Variants in PCDH15 observed in about 807,000 individuals in gnomAD.
PCDH15 encodes protocadherin-15.
PCDH15 carries 129 observed loss-of-function variants against 178.5 expected under a neutral mutation model. The ratio of observed to expected loss-of-function variants is 0.72; its 90% CI spans 0.63 to 0.84. The LOEUF (loss-of-function observed/expected upper bound fraction) is 0.84. Ranked by LOEUF, PCDH15 falls within the 40% of genes least tolerant of loss-of-function variation. PCDH15 has a pLI of 0.00. For synonymous variants in PCDH15, 800 were observed against 732.0 expected, an observed-to-expected ratio of 1.09 and a Z score of -1.50; for missense variants, 2,230 against 2,099.9, an observed-to-expected ratio of 1.06 and a Z score of -1.21.
chr10:55,047,154 A>G (rs1388547428), intron 2 of PCDH15, among the ~76,000 whole-genome samples: 1 of 151,958 alleles, frequency 6.6e-6, no homozygotes, highest in Non-Finnish European at 1.5e-5. Context: ...GTTCTATTGT[A>G]TTTAAACTTG....
chr10:55,599,326 C>G (rs1399065285), intron 2 of PCDH15: 3 of 152,144 alleles, frequency 2.0e-5, no homozygotes, highest in Non-Finnish European at 4.4e-5. Context: ...CAACTTTAAA[C>G]TTAACCTACA....
At chr10:54,585,888 A>T (rs2091428367) in intron 2 of PCDH15, among the ~76,000 whole-genome samples, 1 of 152,196 alleles carries the variant, frequency 6.6e-6, no homozygotes, top group Admixed American at 6.6e-5. Flanking sequence ...GATTTGAAAA[A>T]TAGCCACTTC....
intron 25 of PCDH15, among the ~76,000 whole-genome samples, chr10:53,935,787 G>A (rs1020304304): frequency 1.3e-5 from 2 of 151,854 alleles, no homozygotes; most frequent in Non-Finnish European, 2.9e-5. Flanking sequence ...TATAGTTGGT[G>A]GACCTCAGGG....
intron 3 of PCDH15, among the ~76,000 whole-genome samples, chr10:54,453,054 G>C (rs1161629707): frequency 6.6e-6 from 1 of 152,060 alleles, no homozygotes; most frequent in Non-Finnish European, 1.5e-5. Flanking sequence ...TACACTGTTG[G>C]TGCGACTGTA....
intron 13 of PCDH15, among the ~76,000 whole-genome samples, chr10:54,160,677 A>G (rs4295959): frequency 0.22 from 33,456 of 152,192 alleles, 5,057 homozygotes; most frequent in East Asian, 0.87. Flanking sequence ...ACTTGTATTT[A>G]TAATTTATAG....
intron 2 of PCDH15, among the ~76,000 whole-genome samples, chr10:54,915,536 A>T (rs1954887395): frequency 6.6e-6 from 1 of 152,172 alleles, no homozygotes; most frequent in East Asian, 1.9e-4. Context: ...AACATGTAAA[A>T]TAGAGGCCTC....
At chr10:54,423,521 T>A (rs1304361881) in intron 3 of PCDH15, among the ~76,000 whole-genome samples, 1 of 151,740 alleles carries the variant, frequency 6.6e-6, no homozygotes, top group Non-Finnish European at 1.5e-5. Context: ...AGGAGATGGA[T>A]CATTCACAAT....
chr10:54,027,955 C>T (rs1044431159), intron 18 of PCDH15, among the ~76,000 whole-genome samples: 2 of 151,470 alleles, frequency 1.3e-5, no homozygotes, highest in Admixed American at 1.3e-4. Context: ...TCGAATTAAA[C>T]TCAAGAGCTT....
At chr10:53,874,988 T>C (rs779167811) in intron 26 of PCDH15, among the ~76,000 whole-genome samples, 7 of 151,686 alleles carry the variant, frequency 4.6e-5, no homozygotes, top group Non-Finnish European at 1.0e-4. Flanking sequence ...AATGAAATGA[T>C]AGGGCAAAGG....
intron 2 of PCDH15, among the ~76,000 whole-genome samples, chr10:54,529,587 A>G (rs1370061401): frequency 6.6e-6 from 1 of 152,142 alleles, no homozygotes; most frequent in Non-Finnish European, 1.5e-5. Flanking sequence ...TCCTTCAATT[A>G]CATGAATCCT....
intron 15 of PCDH15, among the ~76,000 whole-genome samples, chr10:54,122,349 G>C (rs1440984044): frequency 1.3e-5 from 2 of 151,660 alleles, no homozygotes; most frequent in Admixed American, 1.3e-4. Flanking sequence ...AAGAAACTAG[G>C]CATCAGAGGT....
intron 2 of PCDH15, among the ~76,000 whole-genome samples, chr10:55,402,984 A>AT (rs570152910): frequency 1.2e-3 from 185 of 151,850 alleles, no homozygotes; most frequent in Middle Eastern, 0.01. Context: ...AGCGTTTGTT[A>AT]TTTTTTGTCT....
intron 21 of PCDH15, among the ~76,000 whole-genome samples, chr10:53,983,320 T>C (rs1282185891): frequency 6.6e-6 from 1 of 151,472 alleles, no homozygotes; most frequent in Admixed American, 6.6e-5. Flanking sequence ...TTTTAGTGAA[T>C]TTAACTGGAT....
intron 1 of PCDH15, among the ~76,000 whole-genome samples, chr10:54,679,549 T>A (rs1648875754): frequency 6.6e-6 from 1 of 152,220 alleles, no homozygotes; most frequent in Admixed American, 6.5e-5. Context: ...ATACAGAGCA[T>A]AAGCTATTCC....
intron 15 of PCDH15, 139 bp from the exon 16 acceptor site, chr10:54,090,202 TGGCAAG>T: frequency 1.4e-6 from 1 of 693,858 alleles, no homozygotes; most frequent in Non-Finnish European, 2.5e-6. Context: ...CATGGCCTAA[TGGCAAG>T]GTGTAAAATC....
chr10:55,568,398 T>G (rs577403820), intron 2 of PCDH15, among the ~76,000 whole-genome samples: 4 of 152,012 alleles, frequency 2.6e-5, no homozygotes, highest in African/African-American at 9.6e-5. Flanking sequence ...GGTTGCCAGG[T>G]GCTAATGGAG....
At chr10:54,519,637 C>T (rs1200632082) in intron 3 of PCDH15, among the ~76,000 whole-genome samples, 2 of 152,066 alleles carry the variant, frequency 1.3e-5, no homozygotes, top group African/African-American at 4.8e-5. Flanking sequence ...GCCATACTGC[C>T]CAAGGTAATT....
chr10:55,550,481 A>G (rs980013092), intron 2 of PCDH15, among the ~76,000 whole-genome samples: 31 of 152,280 alleles, frequency 2.0e-4, no homozygotes, highest in African/African-American at 7.2e-4. Flanking sequence ...CAGCCTCAGT[A>G]AGGCAAGCAT....
chr10:54,475,323 A>G (rs904973933), intron 3 of PCDH15, among the ~76,000 whole-genome samples: 1 of 152,022 alleles, frequency 6.6e-6, no homozygotes, highest in Non-Finnish European at 1.5e-5. Context: ...ATTTAAGAAC[A>G]TGACCAGCCA....
Sources: allele counts gnomAD v4.1 joint callset (sites outside exome capture counted in the v4.1 genomes callset), GRCh38; gene constraint gnomAD v4.1.1; transcripts MANE v1.5; gene names NCBI Gene and HGNC (gene_info 2026-07-23, HGNC 2026-07-21).